ASTN2: variants seen among roughly 807,000 people sequenced by gnomAD.
ASTN2 encodes the protein astrotactin 2.
In ASTN2, 54 loss-of-function variants were observed where a neutral mutation model predicts 139.8. The ratio of observed to expected loss-of-function variants is 0.39; its 90% CI spans 0.31 to 0.48. The LOEUF is 0.48. Ranked by LOEUF, ASTN2 falls within the 20% of genes least tolerant of loss-of-function variation. ASTN2 has a pLI of 0.95. For synonymous variants in ASTN2, 756 were observed against 719.5 expected (o/e 1.05, Z -0.81); for missense variants, 1,565 against 1,725.1 (o/e 0.91, Z 1.64).
At chr9:116,990,018 T>G (rs1260861601) in intron 7 of ASTN2, among the ~76,000 whole-genome samples, 1 of 152,220 alleles carries the variant, frequency 6.6e-6, no homozygotes, top group Non-Finnish European at 1.5e-5. Context: ...TGTCTTTCTC[T>G]ATGTCTCCTT....
chr9:117,380,096 A>G (rs1431518459), intron 1 of ASTN2, among the ~76,000 whole-genome samples: 1 of 152,176 alleles, frequency 6.6e-6, no homozygotes, highest in African/African-American at 2.4e-5. Context: ...TGGGCTCTGA[A>G]AAAGATGAAG....
At chr9:117,152,718 ACT>A (rs1830352022) in intron 3 of ASTN2, among the ~76,000 whole-genome samples, 1 of 151,942 alleles carries the variant, frequency 6.6e-6, no homozygotes, top group South Asian at 2.1e-4. Context: ...GGAGAACCCC[ACT>A]CTCTTACTTT....
intron 6 of ASTN2, among the ~76,000 whole-genome samples, chr9:117,025,628 G>A (rs1423533486): frequency 6.6e-6 from 1 of 152,106 alleles, no homozygotes; most frequent in East Asian, 1.9e-4. Flanking sequence ...GCAGTGAGAT[G>A]TCACCTGAGA....
At chr9:116,891,970 G>A (rs761390582) in intron 10 of ASTN2, among the ~76,000 whole-genome samples, 25 of 152,138 alleles carry the variant, frequency 1.6e-4, no homozygotes, top group Non-Finnish European at 3.2e-4. Flanking sequence ...AAACCCTGTA[G>A]TGTTTAGCAT....
intron 10 of ASTN2, among the ~76,000 whole-genome samples, chr9:116,922,680 T>C (rs1196332193): frequency 2.0e-5 from 3 of 152,092 alleles, no homozygotes; most frequent in East Asian, 1.9e-4. Context: ...TCTGGATGAA[T>C]TGATATGGAG....
chr9:116,510,741 G>C (rs988579603), intron 19 of ASTN2, among the ~76,000 whole-genome samples: 24 of 152,184 alleles, frequency 1.6e-4, no homozygotes, highest in African/African-American at 5.8e-4. Flanking sequence ...TGGATTCCTA[G>C]GTATTTTATT....
At chr9:116,467,534 G>A (rs1361547354) in intron 20 of ASTN2, among the ~76,000 whole-genome samples, 8 of 152,224 alleles carry the variant, frequency 5.3e-5, no homozygotes, top group Non-Finnish European at 7.3e-5. Context: ...CAAAGTGCTC[G>A]GATTACAGGC....
chr9:117,226,468 A>T (rs1334655589), intron 2 of ASTN2, among the ~76,000 whole-genome samples: 2 of 152,228 alleles, frequency 1.3e-5, no homozygotes, highest in Admixed American at 1.3e-4. Context: ...AAGATGATTT[A>T]AAAAATTCTG....
chr9:116,446,961 T>C (rs1215756616), intron 20 of ASTN2, among the ~76,000 whole-genome samples: 1 of 152,198 alleles, frequency 6.6e-6, no homozygotes, highest in East Asian at 1.9e-4. Flanking sequence ...ATCATCTTCA[T>C]CATCCTTAGG....
In ASTN2 at chr9:116,822,505, C is replaced by T. The variant is rs1198395036; in HGVS notation, c.2041-1722G>A. ...ACCTGGTCACAGGGTCATTTGGAGCCGTTTGTGAGTACTGGGGCCTGGCTT... is the reference window on the plus strand; with the variant it reads ...ACCTGGTCACAGGGTCATTTGGAGCTGTTTGTGAGTACTGGGGCCTGGCTT... On this transcript the variant is annotated intron_variant, in intron 11 of 22. Coordinates refer to ENST00000313400, the MANE Select transcript of ASTN2 (RefSeq NM_001365068.1). Among the ~76,000 whole-genome samples the T allele has an allele frequency of 1.3e-4, 20 of 152,240 alleles. 1 individual carries two copies. In the South Asian group the frequency reaches 3.3e-3, roughly 25 times the overall value.
chr9:116,993,803 G>T (rs1588465543), intron 7 of ASTN2, among the ~76,000 whole-genome samples: 1 of 138,132 alleles, frequency 7.2e-6, no homozygotes, highest in South Asian at 2.3e-4. Context: ...ATGTATGTAT[G>T]TACTATATAT....
chr9:117,114,829 C>T (rs901012338), intron 4 of ASTN2, among the ~76,000 whole-genome samples: 2 of 152,152 alleles, frequency 1.3e-5, no homozygotes, highest in African/African-American at 4.8e-5. Flanking sequence ...ATCCAAGAAA[C>T]CTGACTACTC....
intron 20 of ASTN2, among the ~76,000 whole-genome samples, chr9:116,471,331 C>T (rs536494107): frequency 3.3e-4 from 51 of 152,262 alleles, no homozygotes; most frequent in Non-Finnish European, 5.4e-4. Context: ...GACAGCTTCC[C>T]GGCCTTTCTT....
intron 11 of ASTN2, among the ~76,000 whole-genome samples, chr9:116,858,977 G>C (rs867486603): frequency 3.9e-5 from 6 of 152,110 alleles, no homozygotes; most frequent in South Asian, 2.1e-4. Flanking sequence ...TAAAATTTAG[G>C]TGTTGGCAGG....
chr9:117,336,925 T>A (rs1372372352), intron 1 of ASTN2, among the ~76,000 whole-genome samples: 1 of 152,170 alleles, frequency 6.6e-6, no homozygotes. Context: ...CACCACAAGA[T>A]ACATGCTCAA....
chr9:117,215,196 G>A (rs2133023683), intron 2 of ASTN2, among the ~76,000 whole-genome samples: 1 of 152,218 alleles, frequency 6.6e-6, no homozygotes, highest in South Asian at 2.1e-4. Flanking sequence ...CCCCAGCCTT[G>A]CTTCCTCATC....
At chr9:116,771,888 C>A (rs939784120) in intron 13 of ASTN2, among the ~76,000 whole-genome samples, 2 of 152,132 alleles carry the variant, frequency 1.3e-5, no homozygotes, top group African/African-American at 4.8e-5. Flanking sequence ...GGCAAGAGAA[C>A]ATCTAGGGTA....
chr9:116,559,818 A>G (rs1292208355), intron 19 of ASTN2, among the ~76,000 whole-genome samples: 2 of 152,142 alleles, frequency 1.3e-5, no homozygotes, highest in Non-Finnish European at 2.9e-5. Flanking sequence ...AAGAACCTGT[A>G]TTTGTGGCCT....
intron 16 of ASTN2, among the ~76,000 whole-genome samples, chr9:116,676,497 AAC>A (rs761136795): frequency 2.0e-4 from 31 of 152,322 alleles, no homozygotes; most frequent in Non-Finnish European, 3.8e-4. Flanking sequence ...CCCTGAAACC[AAC>A]ACAGTACAAA....
Sources: allele counts gnomAD v4.1 joint callset (sites outside exome capture counted in the v4.1 genomes callset), GRCh38; gene constraint gnomAD v4.1.1; transcripts MANE v1.5; gene names NCBI Gene and HGNC (gene_info 2026-07-23, HGNC 2026-07-21).